Variants in MBOAT1 observed in about 807,000 individuals in gnomAD.
MBOAT1 encodes membrane-bound glycerophospholipid O-acyltransferase 1.
MBOAT1 carries 67 observed loss-of-function variants against 64.4 expected under a neutral mutation model. That is an observed-to-expected ratio of 1.04 (90% CI 0.85 to 1.27). MBOAT1 has a LOEUF of 1.27. MBOAT1 is among the 50% of genes most tolerant of loss of function. The pLI is 0.00. For missense variants in MBOAT1, 563 were observed against 604.6 expected, an observed-to-expected ratio of 0.93 and a Z score of 0.72; for synonymous variants, 229 against 218.9, an observed-to-expected ratio of 1.05 and a Z score of -0.41.
chr6:20,102,367 T>C lies in MBOAT1; in HGVS notation c.1407A>G (p.Leu469=), dbSNP rs369880062. 1.9e-6 allele frequency: 3 copies of C among 1,612,788 alleles called. No homozygotes were observed. The highest frequency in any genetic ancestry group is 2.2e-5 in the South Asian group (2 of 91,054). Residue 469 remains leucine (L), a synonymous_variant, in exon 13 of 13, where the codon CTA becomes CTG. Transcript: ENST00000324607. ...GAGCTTGTGGTTTCATTGGCAGAAA[T>C]AGTATTATCAGGAGACTTATGATGT... The part of the protein sequence containing the change: ...YLHIISLLII[L]FLPMKPQAHT...
At chr6:20,103,929 T>TTCACTCACCAC (rs1759877617) in intron 12 of MBOAT1, among the ~76,000 whole-genome samples, 1 of 152,194 alleles carries the variant, frequency 6.6e-6, no homozygotes, top group Non-Finnish European at 1.5e-5. Flanking sequence ...GGCCTTCACA[T>TTCACTCACCAC]TCACTCACCA....
At position 20,182,781 on chromosome 6, in the gene MBOAT1, A is replaced by G. The variant is rs1004156414; in HGVS notation, c.99+29355T>C. Among the ~76,000 whole-genome samples, 5 of 152,130 alleles carry G rather than the reference A, an allele frequency of 3.3e-5. 1 individual carries two copies. The South Asian group carries it at 6.2e-4, about 19-fold the overall frequency. On this transcript the variant is annotated intron_variant, in intron 1 of 12. Coordinates refer to ENST00000324607, the MANE Select transcript of MBOAT1 (RefSeq NM_001080480.3). Reference sequence around the variant, plus strand: ...AGCTCCTCCCTTAACTCAGGTCCATATCGACACCTCCATTTTAGCTTTCTC... The same window carrying G: ...AGCTCCTCCCTTAACTCAGGTCCATGTCGACACCTCCATTTTAGCTTTCTC...
chr6:20,168,749 G>A (rs1459576250), intron 1 of MBOAT1, among the ~76,000 whole-genome samples: 1 of 102,288 alleles, frequency 9.8e-6, no homozygotes, highest in African/African-American at 3.8e-5. Flanking sequence ...GAGGGAGGGA[G>A]GAAGGAAGGG....
rs537699494 is a variant in MBOAT1 at position 20,210,578 on chromosome 6, TCTCCCTCCCTCCCTCC to T, written c.99+1542_99+1557del. Among the ~76,000 whole-genome samples, 6 of 149,846 alleles carry T rather than the reference TCTCCCTCCCTCCCTCC, an allele frequency of 4.0e-5. No individual in the cohort carries two copies. The South Asian group carries it at 6.4e-4, about 16-fold the overall frequency. On this transcript the variant is annotated intron_variant, in intron 1 of 12. Transcript: ENST00000324607. Reference sequence around the variant, plus strand: ...TCTCCTTCGGTTTATCCCAGAAGTCTCTCCCTCCCTCCCTCCCTCCCTCCCTCCCAGTTTTAAACAT... The same window carrying T: ...TCTCCTTCGGTTTATCCCAGAAGTCTCTCCCTCCCTCCCAGTTTTAAACAT...
chr6:20,128,811 T>C, intron 5 of MBOAT1, 58 bp from the exon 6 acceptor site: 2 of 1,207,464 alleles, frequency 1.7e-6, no homozygotes, highest in South Asian at 2.7e-5. Context: ...GATGACAAAT[T>C]ATAAAAGGGT....
chr6:20,176,239 G>A (rs1047540632), intron 1 of MBOAT1, among the ~76,000 whole-genome samples: 4 of 151,814 alleles, frequency 2.6e-5, no homozygotes, highest in Non-Finnish European at 5.9e-5. Flanking sequence ...AGCTGTGATT[G>A]CACCACCGCA....
intron 4 of MBOAT1, among the ~76,000 whole-genome samples, chr6:20,132,744 TTC>T (rs1237316589): frequency 1.3e-5 from 2 of 152,214 alleles, no homozygotes; most frequent in Non-Finnish European, 2.9e-5. Context: ...ATGTTTGTGC[TTC>T]GAAGGACACA....
At chr6:20,195,505 G>A (rs1402415530) in intron 1 of MBOAT1, among the ~76,000 whole-genome samples, 2 of 152,080 alleles carry the variant, frequency 1.3e-5, no homozygotes, top group Admixed American at 6.6e-5. Context: ...GGATTTTACT[G>A]GAAAATGGTC....
chr6:20,193,882 GGT>G (rs1204328329), intron 1 of MBOAT1, among the ~76,000 whole-genome samples: 5 of 152,104 alleles, frequency 3.3e-5, no homozygotes, highest in Non-Finnish European at 7.4e-5. Flanking sequence ...TGTGATTACA[GGT>G]GTGAGCCACT....
At chr6:20,187,024 T>C (rs2113750469) in intron 1 of MBOAT1, among the ~76,000 whole-genome samples, 1 of 152,372 alleles carries the variant, frequency 6.6e-6, no homozygotes. Context: ...CTTTTATGTT[T>C]ATTCCTCTAA....
At chr6:20,198,585 T>C (rs971463515) in intron 1 of MBOAT1, among the ~76,000 whole-genome samples, 1 of 152,236 alleles carries the variant, frequency 6.6e-6, no homozygotes. Context: ...TTCCTTTTGT[T>C]TAGCAATTTT....
In MBOAT1 at chr6:20,109,702, C is replaced by G. The variant is rs1227138121; in HGVS notation, c.1257G>C (p.Lys419Asn). The G allele has an allele frequency of 6.8e-6, 11 of 1,613,990 alleles. No homozygotes were observed. Among genetic ancestry groups the G allele is most frequent in the Non-Finnish European group, 9.3e-6 (11 of 1,180,004 alleles). Residue 419 changes from lysine (K) to asparagine (N), a missense_variant, in exon 12 of 13, where the codon AAG becomes AAC. Physicochemically the swap from Lys to Asn is moderately conservative, Grantham distance 94. Transcript: ENST00000324607. ...RHYFLSSRALKAVYDAGTWAV... is the reference protein window; with the variant it reads ...RHYFLSSRALNAVYDAGTWAV... ...CCCAGGTGCCTGCATCATACACAGC[C>G]TTGAGAGCTCTTGAAGAAAGGAAGT...
intron 2 of MBOAT1, 138 bp from the exon 3 acceptor site, chr6:20,151,400 G>A: frequency 3.4e-6 from 2 of 588,410 alleles, no homozygotes; most frequent in Non-Finnish European, 6.0e-6. Flanking sequence ...ATGTTTATGT[G>A]AGAGAAAATA....
chr6:20,158,340 A>G (rs1474355316), intron 1 of MBOAT1, among the ~76,000 whole-genome samples: 1 of 152,226 alleles, frequency 6.6e-6, no homozygotes, highest in Admixed American at 6.5e-5. Context: ...TAGTCTTTCA[A>G]TAAATGGTGT....
At chr6:20,135,976 G>C (rs1760978977) in intron 4 of MBOAT1, among the ~76,000 whole-genome samples, 2 of 152,196 alleles carry the variant, frequency 1.3e-5, no homozygotes, top group Admixed American at 6.5e-5. Flanking sequence ...GCGAGGGACA[G>C]AGAAAGCTCA....
intron 4 of MBOAT1, among the ~76,000 whole-genome samples, chr6:20,138,783 A>C (rs796756716): frequency 1.9e-4 from 29 of 152,300 alleles, no homozygotes; most frequent in African/African-American, 7.0e-4. Flanking sequence ...CTGCTGTGAG[A>C]AATTACAAGC....
At chr6:20,152,834 T>C in intron 1 of MBOAT1, 65 bp from the exon 2 acceptor site, 1 of 1,501,294 alleles carries the variant, frequency 6.7e-7, no homozygotes, top group Non-Finnish European at 9.0e-7. Context: ...TTTGTTTGTT[T>C]TGTTTTGTTT....
intron 3 of MBOAT1, among the ~76,000 whole-genome samples, chr6:20,148,973 C>T (rs1285130957): frequency 1.3e-5 from 2 of 151,654 alleles, no homozygotes; most frequent in African/African-American, 2.4e-5. Context: ...TAGTGGCACG[C>T]GCCTGTAGTC....
chr6:20,212,271 C>T lies in MBOAT1; in HGVS notation c.-37G>A, dbSNP rs907086727. The T allele has an allele frequency of 2.5e-6, 4 of 1,576,136 alleles. No homozygotes were observed. The highest frequency in any genetic ancestry group is 3.5e-6 in the Non-Finnish European group (4 of 1,156,936). On this transcript the variant is annotated 5_prime_UTR_variant, in exon 1 of 13. Coordinates refer to ENST00000324607, the MANE Select transcript of MBOAT1 (RefSeq NM_001080480.3). ...GGGAGGTGGCTGCCCCTGTCCCAGC[C>T]CGCAACACCCCCTGCTCGGCGTCCT...
Sources: allele counts gnomAD v4.1 joint callset (sites outside exome capture counted in the v4.1 genomes callset), GRCh38; gene constraint gnomAD v4.1.1; transcripts MANE v1.5; gene names NCBI Gene and HGNC (gene_info 2026-07-23, HGNC 2026-07-21).